Variants in AKT3 observed in about 807,000 individuals in gnomAD.
The protein encoded by AKT3 is RAC-gamma serine/threonine-protein kinase.
AKT3 carries 15 observed loss-of-function variants against 65.3 expected under a neutral mutation model. The observed-to-expected ratio is 0.23, with a 90% confidence interval of 0.15 to 0.35. The LOEUF is 0.35. Among genes scored for constraint, AKT3 ranks in the 10% least tolerant of loss-of-function variants. The pLI is 1.00. For missense variants in AKT3, 243 were observed against 576.5 expected, an observed-to-expected ratio of 0.42 and a Z score of 5.92; for synonymous variants, 206 against 183.8, an observed-to-expected ratio of 1.12 and a Z score of -0.98.
intron 2 of AKT3, among the ~76,000 whole-genome samples, chr1:243,711,020 A>G (rs1216328619): frequency 6.6e-6 from 1 of 152,216 alleles, no homozygotes; most frequent in Admixed American, 6.5e-5. Context: ...ATTTTGTAGA[A>G]CAAAATGTGA....
chr1:243,760,988 C>CAG (rs1689457686), intron 2 of AKT3, among the ~76,000 whole-genome samples: 1 of 152,088 alleles, frequency 6.6e-6, no homozygotes, highest in Non-Finnish European at 1.5e-5. Context: ...AAGACGTGAC[C>CAG]AGAGACTTGC....
chr1:243,614,037 A>G (rs1441881638), intron 7 of AKT3, among the ~76,000 whole-genome samples: 1 of 152,208 alleles, frequency 6.6e-6, no homozygotes, highest in Non-Finnish European at 1.5e-5. Context: ...AAGCTGCATT[A>G]GTACTCAAGG....
chr1:243,650,261 T>C (rs1410733042), intron 4 of AKT3, among the ~76,000 whole-genome samples: 4 of 151,590 alleles, frequency 2.6e-5, no homozygotes, highest in South Asian at 2.1e-4. Flanking sequence ...GGGGTTGTTT[T>C]CTTCTTATAA....
chr1:243,722,197 A>G lies in AKT3; in HGVS notation c.47-26481T>C, dbSNP rs1572228892. On this transcript the variant is annotated intron_variant, in intron 2 of 13. Coordinates refer to ENST00000673466, the MANE Select transcript of AKT3 (RefSeq NM_005465.7). ...ATATTTTGACACATCTGCTATATAT[A>G]TTCGTGTTGCAAGGACTAGACTGCG... Among the ~76,000 whole-genome samples, 3 of 152,318 alleles carry G rather than the reference A, an allele frequency of 2.0e-5. No homozygotes were observed. The East Asian group carries it at 5.8e-4, about 29-fold the overall frequency.
intron 6 of AKT3, chr1:243,624,906 C>A: frequency 4.6e-6 from 1 of 215,962 alleles, no homozygotes; most frequent in South Asian, 9.3e-5. Context: ...GAATCCTGAT[C>A]ACCACCTTTT....
chr1:243,601,234 TC>T (rs1343440767), intron 8 of AKT3, among the ~76,000 whole-genome samples: 1 of 151,982 alleles, frequency 6.6e-6, no homozygotes, highest in East Asian at 1.9e-4. Context: ...AATAAATAAA[TC>T]TGACAACTCA....
intron 13 of AKT3, among the ~76,000 whole-genome samples, chr1:243,508,722 A>G (rs1159170627): frequency 1.4e-5 from 2 of 147,024 alleles, no homozygotes; most frequent in African/African-American, 5.2e-5. Context: ...CTGGAGGGCA[A>G]TGTTGTGATC....
chr1:243,581,234 C>T (rs1379668761), intron 8 of AKT3, among the ~76,000 whole-genome samples: 1 of 152,232 alleles, frequency 6.6e-6, no homozygotes, highest in Non-Finnish European at 1.5e-5. Flanking sequence ...CCTGCCATTC[C>T]TGCCCTCTGC....
chr1:243,497,337 TGG>T (rs373624566), downstream of AKT3, among the ~76,000 whole-genome samples: 26 of 35,420 alleles, frequency 7.3e-4, 1 homozygote, highest in African/African-American at 2.2e-3. Context: ...TAGGCACGGG[TGG>T]GGGGGGGGGC....
chr1:243,524,712 A>G (rs1670934573), intron 12 of AKT3, among the ~76,000 whole-genome samples: 1 of 152,206 alleles, frequency 6.6e-6, no homozygotes, highest in African/African-American at 2.4e-5. Flanking sequence ...GCATGCAATA[A>G]TGCATAATTA....
At chr1:243,815,681 C>T (rs1018025692) in intron 2 of AKT3, among the ~76,000 whole-genome samples, 1 of 151,672 alleles carries the variant, frequency 6.6e-6, no homozygotes, top group Non-Finnish European at 1.5e-5. Flanking sequence ...CACTGCAACC[C>T]CCACCTCCCA....
At chr1:243,718,867 C>T (rs1222334130) in intron 2 of AKT3, among the ~76,000 whole-genome samples, 1 of 152,098 alleles carries the variant, frequency 6.6e-6, no homozygotes, top group Non-Finnish European at 1.5e-5. Context: ...GTCCAAAACA[C>T]AAGGTAAATT....
At chr1:243,512,236 C>G (rs1670060012) in intron 13 of AKT3, 88 bp downstream of exon 13, 1 of 660,718 alleles carries the variant, frequency 1.5e-6, no homozygotes, top group Non-Finnish European at 2.5e-6. Flanking sequence ...TTGAAAATAT[C>G]AGATGAGTTT....
intron 10 of AKT3, among the ~76,000 whole-genome samples, chr1:243,560,233 T>C (rs1673680225): frequency 1.3e-5 from 2 of 152,124 alleles, no homozygotes; most frequent in African/African-American, 4.8e-5. Context: ...CCATGTCTTA[T>C]CACCTCAGTG....
At chr1:243,794,398 C>T (rs1372322823) in intron 2 of AKT3, 4 of 152,168 alleles carry the variant, frequency 2.6e-5, no homozygotes, top group Admixed American at 1.3e-4. Context: ...CTTACAAATG[C>T]CCATTTAATT....
chr1:243,609,334 C>CTGTGTGTGTGTGTG (rs72249798), intron 8 of AKT3, among the ~76,000 whole-genome samples: 104 of 148,170 alleles, frequency 7.0e-4, no homozygotes, highest in South Asian at 5.2e-3. Flanking sequence ...TTTTCATTTT[C>CTGTGTGTGTGTGTG]TGTGTGTGTG....
intron 2 of AKT3, among the ~76,000 whole-genome samples, chr1:243,795,499 T>G (rs1318812758): frequency 8.9e-6 from 1 of 112,052 alleles, no homozygotes; most frequent in Non-Finnish European, 1.7e-5. Flanking sequence ...TGAGACGGAG[T>G]CTCGCTCTGT....
rs145365704 is a variant in AKT3 at position 243,759,470 on chromosome 1, G to C, written c.47-63754C>G. 1.2e-3 allele frequency among the ~76,000 whole-genome samples: 180 copies of C among 151,766 alleles called. 1 individual carries two copies. Among genetic ancestry groups the C allele is most frequent in the African/African-American group, 2.9e-3 (121 of 41,396 alleles). Reference sequence around the variant, plus strand: ...AAGTACAATAAAAACTTAGGTGAAAGCTAAATTACTAAATCATATTTTATG... The same window carrying C: ...AAGTACAATAAAAACTTAGGTGAAACCTAAATTACTAAATCATATTTTATG... On this transcript the variant is annotated intron_variant, in intron 2 of 13. Transcript: ENST00000673466.
Position 243,648,672 on chromosome 1 carries a change from T to C in AKT3, c.285-2635A>G, listed in dbSNP as rs2147855840. Among the ~76,000 whole-genome samples the C allele has an allele frequency of 2.0e-5, 3 of 152,288 alleles. No homozygotes were observed. The East Asian group carries it at 5.8e-4, about 29-fold the overall frequency. Reference sequence around the variant, plus strand: ...TGGTCAAATTTCTAACTTAAATGTTTGACAGAACGCACCAATAAGGCTGTC... The same window carrying C: ...TGGTCAAATTTCTAACTTAAATGTTCGACAGAACGCACCAATAAGGCTGTC... On this transcript the variant is annotated intron_variant, in intron 4 of 13. Transcript: ENST00000673466.
Sources: gnomAD v4.1 joint callset for allele counts (sites outside exome capture counted in the v4.1 genomes callset) on GRCh38, gnomAD v4.1.1 for gene constraint, MANE v1.5 for transcripts, NCBI Gene and HGNC (gene_info 2026-07-23, HGNC 2026-07-21) for gene names.